Variants in ASB18 observed in about 807,000 individuals in gnomAD.
ASB18 encodes the protein ankyrin repeat and SOCS box protein 18.
In ASB18, 33 loss-of-function variants were observed where a neutral mutation model predicts 33.4. That is an observed-to-expected ratio of 0.99 (90% CI 0.75 to 1.32). ASB18 has a LOEUF of 1.32. Among genes scored for constraint, ASB18 ranks in the 40% most tolerant of loss-of-function variants. The pLI is 0.00. For synonymous variants in ASB18, 295 were observed against 307.6 expected, an observed-to-expected ratio of 0.96 and a Z score of 0.43; for missense variants, 694 against 655.5, an observed-to-expected ratio of 1.06 and a Z score of -0.64.
At chr2:236,201,904 A>G (rs1274962099) in intron 4 of ASB18, among the ~76,000 whole-genome samples, 1 of 150,056 alleles carries the variant, frequency 6.7e-6, no homozygotes, top group African/African-American at 2.5e-5. Flanking sequence ...CTATTTGCAT[A>G]TTGATATAAA....
rs1559340546 is a variant in ASB18 at position 236,260,824 on chromosome 2, T to C, written c.205+3317A>G. Among the ~76,000 whole-genome samples, 1 of 152,174 alleles carries C rather than the reference T, an allele frequency of 6.6e-6. No homozygotes were observed. The highest frequency in any genetic ancestry group is 2.4e-5 in the African/African-American group (1 of 41,434). On this transcript the variant is annotated intron_variant, in intron 1 of 5. Coordinates refer to ENST00000409749, the MANE Select transcript of ASB18 (RefSeq NM_212556.4). This position sits in a 1 kb window ranked among gnomAD's most constrained non-coding sequence, Gnocchi z 5.1. ...TGGTAAAACTCCTCCAAGCCTTTGA[T>C]ATGTCATCGTGCCAGTCTCTGAGGG...
rs545731492 is a variant in ASB18, at chr2:236,235,394, T to C, written c.596+2295A>G. Reference sequence around the variant, plus strand: ...GTAGGCTATGCCATCCTGGTTTGTGTAAATATACTCTATGATGTTTACACA... The same window carrying C: ...GTAGGCTATGCCATCCTGGTTTGTGCAAATATACTCTATGATGTTTACACA... On this transcript the variant is annotated intron_variant, in intron 3 of 5. Coordinates refer to ENST00000409749, the MANE Select transcript of ASB18 (RefSeq NM_212556.4). The surrounding 1 kb of genome is among the most constrained non-coding windows in gnomAD (Gnocchi z 6.2). Among the ~76,000 whole-genome samples the C allele has an allele frequency of 8.2e-4, 125 of 152,338 alleles. 2 individuals are homozygous for C. The South Asian group carries it at 0.019, about 24-fold the overall frequency.
At position 236,226,205 on chromosome 2, in the gene ASB18, T is replaced by C. The variant is rs1323339072; in HGVS notation, c.597-11339A>G. 3.3e-5 allele frequency among the ~76,000 whole-genome samples: 5 copies of C among 152,208 alleles called. No homozygotes were observed. The East Asian group carries it at 9.6e-4, about 29-fold the overall frequency. Reference sequence around the variant, plus strand: ...TTCAAGGTAGTTGGCTGTGTTATTGTAGAGGTGTTCAATGGGACCTGCCAG... The same window carrying C: ...TTCAAGGTAGTTGGCTGTGTTATTGCAGAGGTGTTCAATGGGACCTGCCAG... On this transcript the variant is annotated intron_variant, in intron 3 of 5. Coordinates refer to ENST00000409749, the MANE Select transcript of ASB18 (RefSeq NM_212556.4). The surrounding 1 kb of genome is among the most constrained non-coding windows in gnomAD (Gnocchi z 4.8).
chr2:236,263,135 C>T lies in ASB18; in HGVS notation c.205+1006G>A, dbSNP rs2060727635. Among the ~76,000 whole-genome samples the T allele has an allele frequency of 6.6e-6, 1 of 152,230 alleles. No homozygotes were observed. Among genetic ancestry groups the T allele is most frequent in the South Asian group, 2.1e-4 (1 of 4,834 alleles). ...AGACTAACCTTGTCCCCTAATCTGA[C>T]AAGCTGGGAAACAGCACAATACAAC... On this transcript the variant is annotated intron_variant, in intron 1 of 5. Coordinates refer to ENST00000409749, the MANE Select transcript of ASB18 (RefSeq NM_212556.4). The surrounding 1 kb of genome is among the most constrained non-coding windows in gnomAD (Gnocchi z 4.0).
rs988783024 is a variant in ASB18, at chr2:236,249,919, A to G, written c.206-8517T>C. On this transcript the variant is annotated intron_variant, in intron 1 of 5. Transcript: ENST00000409749. The surrounding 1 kb of genome is among the most constrained non-coding windows in gnomAD (Gnocchi z 4.6). The stretch of plus-strand genomic sequence containing the variant: ...CAAAGAATATTTTGGAGACTTAAAT[A>G]ATAAGCATGATGTTTTGTCTGCAGG... The G allele has an allele frequency of 2.6e-5, 4 of 152,228 alleles. No individual in the cohort carries two copies. 9.4% of individuals were successfully genotyped at this position (152,228 alleles called of 1,614,324 possible).
Position 236,228,053 on chromosome 2 carries a change from A to C in ASB18, c.596+9636T>G, listed in dbSNP as rs942220397. Among the ~76,000 whole-genome samples, 3 of 152,232 alleles carry C rather than the reference A, an allele frequency of 2.0e-5. No homozygotes were observed. Among genetic ancestry groups the C allele is most frequent in the African/African-American group, 7.2e-5 (3 of 41,460 alleles). ...GTTTCAAAATAAATGGAATTTCTATAATTTTTTCACAAGATGATACCTTTT... is the reference window on the plus strand; with the variant it reads ...GTTTCAAAATAAATGGAATTTCTATCATTTTTTCACAAGATGATACCTTTT... On this transcript the variant is annotated intron_variant, in intron 3 of 5. Coordinates refer to ENST00000409749, the MANE Select transcript of ASB18 (RefSeq NM_212556.4). The surrounding 1 kb of genome is among the most constrained non-coding windows in gnomAD (Gnocchi z 5.1).
At chr2:236,232,571 A>G (rs2060570949) in intron 3 of ASB18, among the ~76,000 whole-genome samples, 1 of 152,126 alleles carries the variant, frequency 6.6e-6, no homozygotes, top group Non-Finnish European at 1.5e-5. Context: ...GGGGGAAAAG[A>G]AGACAAATTC....
At position 236,262,069 on chromosome 2, in the gene ASB18, G is replaced by A. The variant is rs1419206538; in HGVS notation, c.205+2072C>T. On this transcript the variant is annotated intron_variant, in intron 1 of 5. Coordinates refer to ENST00000409749, the MANE Select transcript of ASB18 (RefSeq NM_212556.4). This position sits in a 1 kb window ranked among gnomAD's most constrained non-coding sequence, Gnocchi z 5.2. ...CAGTATGTAATTTATAACTGTGGAA[G>A]GAATGTAACTTTCTTATAACAATTT... 1.3e-5 allele frequency among the ~76,000 whole-genome samples: 2 copies of A among 152,220 alleles called. No homozygotes were observed. Among genetic ancestry groups the A allele is most frequent in the Non-Finnish European group, 2.9e-5 (2 of 68,038 alleles).
chr2:236,224,748 C>A (rs2060529375), intron 3 of ASB18, among the ~76,000 whole-genome samples: 1 of 152,158 alleles, frequency 6.6e-6, no homozygotes, highest in Admixed American at 6.5e-5. Flanking sequence ...GGAAATAAGA[C>A]ATTTGCACAT....
Position 236,237,877 on chromosome 2 carries a change from C to T in ASB18, c.408G>A (p.Val136=). Reference sequence around the variant, plus strand: ...CTGCGCCGCGGCCGAGCAGGTGTCGCACGCAGGCGGTGTGGCCGTGGGCCG... The same window carrying T: ...CTGCGCCGCGGCCGAGCAGGTGTCGTACGCAGGCGGTGTGGCCGTGGGCCG... The part of the protein sequence containing the change: ...IAAAHGHTAC[V]RHLLGRGADP... The change falls in exon 3 of 6, where the codon GTG becomes GTA. Residue 136 remains valine, a synonymous_variant. Coordinates refer to ENST00000409749, the MANE Select transcript of ASB18 (RefSeq NM_212556.4). This position sits in a 1 kb window ranked among gnomAD's most constrained non-coding sequence, Gnocchi z 6.2. The T allele has an allele frequency of 1.3e-6, 2 of 1,485,978 alleles. No homozygotes were observed. The highest frequency in any genetic ancestry group is 1.8e-6 in the Non-Finnish European group (2 of 1,126,180). 92.0% of individuals were successfully genotyped at this position (1,485,978 alleles called of 1,614,324 possible).
rs1553601614 is a variant in ASB18 at position 236,238,610 on chromosome 2, G to GT, written c.329-655_329-654insA. Among the ~76,000 whole-genome samples the GT allele has an allele frequency of 6.7e-6, 1 of 150,270 alleles. No homozygotes were observed. Among genetic ancestry groups the GT allele is most frequent in the East Asian group, 2.0e-4 (1 of 5,102 alleles). On this transcript the variant is annotated intron_variant, in intron 2 of 5. Coordinates refer to ENST00000409749, the MANE Select transcript of ASB18 (RefSeq NM_212556.4). The surrounding 1 kb of genome is among the most constrained non-coding windows in gnomAD (Gnocchi z 5.2). ...GGTTTGTTTCTTTGCGCTTTTTAGG[G>GT]GTGTGTGTGTGTGTGTGTGTAGGGT...
rs1352593149 is a variant in ASB18 at position 236,260,947 on chromosome 2, A to C, written c.205+3194T>G. On this transcript the variant is annotated intron_variant, in intron 1 of 5. Coordinates refer to ENST00000409749, the MANE Select transcript of ASB18 (RefSeq NM_212556.4). The surrounding 1 kb of genome is among the most constrained non-coding windows in gnomAD (Gnocchi z 5.1). ...GTGTGGGAAGCACTAATCTAATCTC[A>C]TACCCTCGTTAATAAATGGAGACGT... is the stretch of plus-strand genomic sequence containing the variant. Among the ~76,000 whole-genome samples the C allele has an allele frequency of 1.3e-5, 2 of 152,094 alleles. No individual in the cohort carries two copies. Among genetic ancestry groups the C allele is most frequent in the South Asian group, 2.1e-4 (1 of 4,822 alleles).
rs895582149 is a variant in ASB18 at position 236,200,097 on chromosome 2, A to G, written c.1102-3712T>C. ...CACGGTGGCTCACTCCTGTAATTCC[A>G]GCATTTTGGGAGGCCGAGGTGGGTG... On this transcript the variant is annotated intron_variant, in intron 4 of 5. Coordinates refer to ENST00000409749, the MANE Select transcript of ASB18 (RefSeq NM_212556.4). This position sits in a 1 kb window ranked among gnomAD's most constrained non-coding sequence, Gnocchi z 4.2. Among the ~76,000 whole-genome samples, 1 of 152,218 alleles carries G rather than the reference A, an allele frequency of 6.6e-6. No individual in the cohort carries two copies. The highest frequency in any genetic ancestry group is 2.4e-5 in the African/African-American group (1 of 41,460).
Position 236,215,996 on chromosome 2 carries a change from C to G in ASB18, c.597-1130G>C, listed in dbSNP as rs1429629740. 6.6e-6 allele frequency among the ~76,000 whole-genome samples: 1 copy of G among 152,172 alleles called. No individual in the cohort carries two copies. The highest frequency in any genetic ancestry group is 1.5e-5 in the Non-Finnish European group (1 of 68,044). On this transcript the variant is annotated intron_variant, in intron 3 of 5. Transcript: ENST00000409749. This position sits in a 1 kb window ranked among gnomAD's most constrained non-coding sequence, Gnocchi z 7.2. ...CTCTCTACCCTTCCTGGCTTCAGTT[C>G]CTTTCCTGGGCAGCACTGTGGTCAC...
At position 236,221,244 on chromosome 2, in the gene ASB18, A is replaced by AACAATG. The variant is rs372831730; in HGVS notation, c.597-6379_597-6378insCATTGT. ...GCAATGCAACAACAACAACAACAAC[A>AACAATG]ACAAACAGCTGCTAAAAATAAGGCT... On this transcript the variant is annotated intron_variant, in intron 3 of 5. Transcript: ENST00000409749. The surrounding 1 kb of genome is among the most constrained non-coding windows in gnomAD (Gnocchi z 5.6). Among the ~76,000 whole-genome samples the AACAATG allele has an allele frequency of 7.1e-6, 1 of 141,388 alleles. No individual in the cohort carries two copies. The highest frequency in any genetic ancestry group is 2.3e-4 in the South Asian group (1 of 4,314). 92.8% of individuals were successfully genotyped at this position (141,388 alleles called of 152,430 possible).
intron 3 of ASB18, among the ~76,000 whole-genome samples, chr2:236,230,338 CA>C (rs2060558568): frequency 6.7e-6 from 1 of 150,274 alleles, no homozygotes; most frequent in Non-Finnish European, 1.5e-5. Context: ...ATTAGACATA[CA>C]GTGCAAGAAA....
chr2:236,196,324 T>C lies in ASB18; in HGVS notation c.1163A>G (p.Gln388Arg). 2 of 1,566,862 alleles carry C rather than the reference T, an allele frequency of 1.3e-6. No individual in the cohort carries two copies. The highest frequency in any genetic ancestry group is 2.4e-5 in the South Asian group (2 of 84,954). ...VIEVLFNSYPQLCLSESWKEV... is the reference protein window; with the variant it reads ...VIEVLFNSYPRLCLSESWKEV... ...CTTCCAGGACTCTGACAAGCAGAGC[T>C]GAGGGTAGGAGTTGAAAAGCACCTC... The change falls in exon 5 of 6, where the codon CAG becomes CGG. Residue 388 changes from glutamine to arginine, a missense_variant. Gln to Arg is a conservative substitution (Grantham distance 43). Coordinates refer to ENST00000409749, the MANE Select transcript of ASB18 (RefSeq NM_212556.4). This position sits in a 1 kb window ranked among gnomAD's most constrained non-coding sequence, Gnocchi z 5.6.
In ASB18 at chr2:236,203,224, C is replaced by T. The variant is rs1192811987; in HGVS notation, c.1102-6839G>A. On this transcript the variant is annotated intron_variant, in intron 4 of 5. Coordinates refer to ENST00000409749, the MANE Select transcript of ASB18 (RefSeq NM_212556.4). The surrounding 1 kb of genome is among the most constrained non-coding windows in gnomAD (Gnocchi z 6.0). ...CAAATATAACAACAACAATACAGTG[C>T]TGTGGTCATATGAGGGGGAGTTCAG... 2.0e-5 allele frequency among the ~76,000 whole-genome samples: 3 copies of T among 152,018 alleles called. No homozygotes were observed. The highest frequency in any genetic ancestry group is 4.4e-5 in the Non-Finnish European group (3 of 68,042).
At position 236,217,414 on chromosome 2, in the gene ASB18, A is replaced by G. The variant is rs1007428639; in HGVS notation, c.597-2548T>C. Among the ~76,000 whole-genome samples the G allele has an allele frequency of 2.0e-4, 23 of 113,434 alleles. No homozygotes were observed. The highest frequency in any genetic ancestry group is 1.2e-3 in the African/African-American group (23 of 18,482). The allele number at this position is 113,434 out of a possible 152,430, so 74.4% of individuals were successfully genotyped here. On this transcript the variant is annotated intron_variant, in intron 3 of 5. Coordinates refer to ENST00000409749, the MANE Select transcript of ASB18 (RefSeq NM_212556.4). The surrounding 1 kb of genome is among the most constrained non-coding windows in gnomAD (Gnocchi z 5.2). ...GGCAACAGAGCGAGACTCTGTCTCAAAAAAAAAAAAAAATAAATCTTGGCA... is the reference window on the plus strand; with the variant it reads ...GGCAACAGAGCGAGACTCTGTCTCAGAAAAAAAAAAAAATAAATCTTGGCA...
Sources: gnomAD v4.1 joint callset for allele counts (sites outside exome capture counted in the v4.1 genomes callset) on GRCh38, gnomAD v4.1.1 for gene constraint, Gnocchi (gnomAD v3.1) non-coding constraint, MANE v1.5 for transcripts, NCBI Gene and HGNC (gene_info 2026-07-23, HGNC 2026-07-21) for gene names.